The following CDK17 variants were observed in gnomAD, a reference collection of about 807,000 sequenced individuals.
CDK17 encodes cyclin-dependent kinase 17.
CDK17 carries 24 observed loss-of-function variants against 77.6 expected under a neutral mutation model. The observed-to-expected ratio is 0.31, with a 90% confidence interval of 0.22 to 0.44. CDK17 has a LOEUF of 0.44. CDK17 is among the 20% of genes least tolerant of loss of function. The pLI is 1.00. For synonymous variants in CDK17, 203 were observed against 210.4 expected, an observed-to-expected ratio of 0.96 and a Z score of 0.30; for missense variants, 429 against 622.5, an observed-to-expected ratio of 0.69 and a Z score of 3.31.
intron 1 of CDK17, among the ~76,000 whole-genome samples, chr12:96,335,563 G>A (rs1013132140): frequency 1.3e-5 from 2 of 152,112 alleles, no homozygotes; most frequent in African/African-American, 4.8e-5. Flanking sequence ...TCACACATGA[G>A]GAAACGTGCT....
chr12:96,333,648 T>C lies in CDK17; in HGVS notation c.118+1071A>G, dbSNP rs189243559. On this transcript the variant is annotated intron_variant, in intron 2 of 16. Coordinates refer to ENST00000261211, the MANE Select transcript of CDK17 (RefSeq NM_002595.5). Reference sequence around the variant, plus strand: ...AACATTGTGCCACTGCACTCCAGCCTGGGCAGCAGAGCGAGACTGTCTCAA... The same window carrying C: ...AACATTGTGCCACTGCACTCCAGCCCGGGCAGCAGAGCGAGACTGTCTCAA... 4.9e-3 allele frequency among the ~76,000 whole-genome samples: 691 copies of C among 141,094 alleles called. 4 individuals carry two copies. The highest frequency in any genetic ancestry group is 0.019 in the Middle Eastern group (5 of 264). The allele number at this position is 141,094 out of a possible 152,430, so 92.6% of individuals were successfully genotyped here. A position where few individuals can be genotyped will look rare whatever the true frequency, so the allele number is the denominator to read the frequency against.
At chr12:96,289,326 T>C (rs1453665485) in intron 10 of CDK17, 39 bp from the exon 11 acceptor site, 15 of 1,612,036 alleles carry the variant, frequency 9.3e-6, no homozygotes, top group Non-Finnish European at 1.3e-5. Context: ...AAGAAAAAGC[T>C]TTAATGGATC....
chr12:96,293,328 G>A (rs1952352884), intron 10 of CDK17, among the ~76,000 whole-genome samples: 1 of 152,074 alleles, frequency 6.6e-6, no homozygotes, highest in Non-Finnish European at 1.5e-5. Flanking sequence ...CTGAGCCACT[G>A]TGTCTGGCCT....
chr12:96,320,097 G>T (rs543212321), intron 3 of CDK17, among the ~76,000 whole-genome samples: 2 of 152,172 alleles, frequency 1.3e-5, no homozygotes, highest in Non-Finnish European at 2.9e-5. Flanking sequence ...CTTCAGCAAA[G>T]TCTCAGGATA....
chr12:96,397,637 A>T (rs1419168650), intron 1 of CDK17, among the ~76,000 whole-genome samples: 1 of 152,240 alleles, frequency 6.6e-6, no homozygotes. Flanking sequence ...AATACAGGAA[A>T]AAAATGTTTA....
chr12:96,400,033 C>A lies in CDK17; in HGVS notation c.-77G>T, dbSNP rs955773088. 1 of 386,366 alleles carries A rather than the reference C, an allele frequency of 2.6e-6. No homozygotes were observed. 23.9% of individuals were successfully genotyped at this position (386,366 alleles called of 1,614,324 possible). On this transcript the variant is annotated 5_prime_UTR_variant, in exon 1 of 17. Transcript: ENST00000261211. Reference sequence around the variant, plus strand: ...TCCCGAGGCGAGGCGAAGAGAGGCGCGGGGGGAAGCTGCTCCGCGGACGCC... The same window carrying A: ...TCCCGAGGCGAGGCGAAGAGAGGCGAGGGGGGAAGCTGCTCCGCGGACGCC...
chr12:96,374,258 C>T (rs925573359), intron 1 of CDK17, among the ~76,000 whole-genome samples: 2 of 152,322 alleles, frequency 1.3e-5, no homozygotes, highest in African/African-American at 4.8e-5. Context: ...CATTTTCCCA[C>T]TAGGCAATTC....
intron 2 of CDK17, among the ~76,000 whole-genome samples, chr12:96,326,788 T>C (rs1952896887): frequency 6.6e-6 from 1 of 152,134 alleles, no homozygotes; most frequent in Admixed American, 6.6e-5. Flanking sequence ...AAGGCAAGTG[T>C]AGCTATAGTA....
At chr12:96,321,980 T>TA (rs973314743) in intron 3 of CDK17, among the ~76,000 whole-genome samples, 29 of 151,078 alleles carry the variant, frequency 1.9e-4, no homozygotes, top group East Asian at 1.9e-4. Flanking sequence ...AATTCACACT[T>TA]AAAAAAAAAT....
intron 1 of CDK17, among the ~76,000 whole-genome samples, chr12:96,382,438 AG>A (rs1432241918): frequency 6.6e-6 from 1 of 152,134 alleles, no homozygotes; most frequent in East Asian, 1.9e-4. Flanking sequence ...AAACGTATAA[AG>A]AAAAATTGGT....
chr12:96,286,091 T>C lies in CDK17; in HGVS notation c.1274A>G (p.Tyr425Cys). 1 of 1,551,102 alleles carries C rather than the reference T, an allele frequency of 6.4e-7. No homozygotes were observed. The highest frequency in any genetic ancestry group is 2.4e-5 in the East Asian group (1 of 40,832). The change falls in exon 13 of 17, where the codon TAC becomes TGC. Residue 425 changes from tyrosine (Y) to cysteine (C), a missense_variant. Tyr to Cys is a radical substitution (Grantham distance 194, BLOSUM62 -2). Coordinates refer to ENST00000261211, the MANE Select transcript of CDK17 (RefSeq NM_002595.5). ...GISSNEEFKNYNFPKYKPQPL... is the reference protein window; with the variant it reads ...GISSNEEFKNCNFPKYKPQPL... Reference sequence around the variant, plus strand: ...CTGTGGTTTATATTTTGGAAAGTTGTAGTTCTTGAACTCCTCATTTGAAGA... The same window carrying C: ...CTGTGGTTTATATTTTGGAAAGTTGCAGTTCTTGAACTCCTCATTTGAAGA...
chr12:96,292,200 C>T (rs568083564), intron 10 of CDK17, among the ~76,000 whole-genome samples: 16 of 152,124 alleles, frequency 1.1e-4, no homozygotes, highest in Non-Finnish European at 8.8e-5. Flanking sequence ...AAGTATTAAA[C>T]GAGCAAAAGT....
chr12:96,281,518 G>A (rs948925284), intron 15 of CDK17, among the ~76,000 whole-genome samples: 11 of 152,258 alleles, frequency 7.2e-5, no homozygotes, highest in East Asian at 5.8e-4. Context: ...ACAGGTACGC[G>A]CCACCACGCC....
chr12:96,367,082 C>A (rs1592756918), intron 1 of CDK17, among the ~76,000 whole-genome samples: 1 of 151,978 alleles, frequency 6.6e-6, no homozygotes, highest in Non-Finnish European at 1.5e-5. Flanking sequence ...CGATGGCTCA[C>A]GTCTGTAATC....
chr12:96,387,105 C>G lies in CDK17; in HGVS notation c.-30+12881G>C, dbSNP rs901869206. The G allele has an allele frequency of 8.9e-5, 29 of 327,136 alleles. 1 individual carries two copies. The highest frequency in any genetic ancestry group is 2.7e-4 in the South Asian group (8 of 29,592). The allele number at this position is 327,136 out of a possible 1,614,324, so 20.3% of individuals were successfully genotyped here. On this transcript the variant is annotated intron_variant, in intron 1 of 16. Transcript: ENST00000261211. ...GATGTGTATCACGGTGACATCCACA[C>G]CTGTGACTGTTCCATAGACCTGTGT...
intron 1 of CDK17, among the ~76,000 whole-genome samples, chr12:96,350,347 A>T (rs867130252): frequency 4.3e-5 from 6 of 140,872 alleles, no homozygotes; most frequent in Non-Finnish European, 6.3e-5. Context: ...TCTCAAATTT[A>T]AAAAAAAAAA....
At chr12:96,337,879 T>C (rs867394924) in intron 1 of CDK17, among the ~76,000 whole-genome samples, 2 of 152,142 alleles carry the variant, frequency 1.3e-5, no homozygotes, top group Non-Finnish European at 1.5e-5. Context: ...ACTCTGCACA[T>C]TCTGAAAAAA....
chr12:96,289,872 A>G (rs1381111739), intron 10 of CDK17, among the ~76,000 whole-genome samples: 1 of 152,222 alleles, frequency 6.6e-6, no homozygotes, highest in African/African-American at 2.4e-5. Flanking sequence ...TACATGGATC[A>G]TTCTGGAGTA....
chr12:96,398,217 T>C (rs1185835306), intron 1 of CDK17, among the ~76,000 whole-genome samples: 1 of 152,210 alleles, frequency 6.6e-6, no homozygotes, highest in Non-Finnish European at 1.5e-5. Flanking sequence ...ACATTCTTTA[T>C]ATTCCAATAT....
Sources: gnomAD v4.1 joint callset for allele counts (sites outside exome capture counted in the v4.1 genomes callset) on GRCh38, gnomAD v4.1.1 for gene constraint, MANE v1.5 for transcripts, NCBI Gene and HGNC (gene_info 2026-07-23, HGNC 2026-07-21) for gene names.